CNOT10: variants seen among roughly 807,000 people sequenced by gnomAD.
CNOT10 encodes CCR4-NOT transcription complex, subunit 10.
A neutral mutation model predicts 94.6 loss-of-function variants in CNOT10; 30 were observed. That is an observed-to-expected ratio of 0.32 (90% confidence interval 0.24 to 0.43). The LOEUF (loss-of-function observed/expected upper bound fraction) is 0.43. Among genes scored for constraint, CNOT10 ranks in the 20% least tolerant of loss-of-function variants. The probability of loss-of-function intolerance (pLI) is 1.00; values close to 1 mark genes in which losing one functional copy is unlikely to be tolerated. For missense variants in CNOT10, 759 were observed against 877.2 expected, an observed-to-expected ratio of 0.87 and a Z score of 1.70; for synonymous variants, 289 against 301.6, an observed-to-expected ratio of 0.96 and a Z score of 0.43.
At chr3:32,743,141 A>G (rs1699547711) in intron 13 of CNOT10, among the ~76,000 whole-genome samples, 1 of 151,780 alleles carries the variant, frequency 6.6e-6, no homozygotes, top group Non-Finnish European at 1.5e-5. Flanking sequence ...ATACGCCACC[A>G]TGCCCAGCTA....
intron 1 of CNOT10, among the ~76,000 whole-genome samples, chr3:32,699,717 A>G (rs1697245101): frequency 6.6e-6 from 1 of 152,140 alleles, no homozygotes; most frequent in Admixed American, 6.6e-5. Flanking sequence ...CTGGGGGAGC[A>G]TTCCACTAGC....
intron 1 of CNOT10, among the ~76,000 whole-genome samples, chr3:32,692,607 A>C (rs1311877111): frequency 6.6e-6 from 1 of 152,190 alleles, no homozygotes; most frequent in Non-Finnish European, 1.5e-5. Context: ...AGTTAGAGGT[A>C]ATTTATGGAG....
rs752008339 is a variant in CNOT10, at chr3:32,704,947, A to G, written c.254A>G (p.Gln85Arg). ...SNQTTTDNLR[Q>R]TLNQLKNQVH... ...CAAACAACAACAGATAATTTGAGAC[A>G]AACACTTAACCAGCTGAAGAATCAG... Residue 85 changes from glutamine to arginine, a missense_variant, in exon 3 of 19, where the codon CAA becomes CGA. Physicochemically the swap from Gln to Arg is conservative, Grantham distance 43. Transcript: ENST00000328834. The G allele has an allele frequency of 6.5e-7, 1 of 1,546,568 alleles. No individual in the cohort carries two copies. The highest frequency in any genetic ancestry group is 2.5e-5 in the Admixed American group (1 of 40,530).
At chr3:32,708,960 T>C in intron 4 of CNOT10, 140 bp downstream of exon 4, 2 of 607,862 alleles carry the variant, frequency 3.3e-6, no homozygotes, top group Non-Finnish European at 5.3e-6. Flanking sequence ...GCTTAATGGT[T>C]AGAAAAGATA....
At chr3:32,757,030 G>A (rs548484099) in intron 13 of CNOT10, among the ~76,000 whole-genome samples, 4 of 149,366 alleles carry the variant, frequency 2.7e-5, no homozygotes, top group African/African-American at 4.9e-5. Flanking sequence ...AGCTTGAACC[G>A]AGGAGGCAGA....
At chr3:32,702,166 G>A (rs1162997258) in intron 1 of CNOT10, among the ~76,000 whole-genome samples, 2 of 149,370 alleles carry the variant, frequency 1.3e-5, no homozygotes, top group East Asian at 2.0e-4. Context: ...CGTGATCTCA[G>A]CTCACTGCAA....
At chr3:32,726,089 C>T (rs956889818) in intron 9 of CNOT10, among the ~76,000 whole-genome samples, 2 of 152,130 alleles carry the variant, frequency 1.3e-5, no homozygotes, top group East Asian at 1.9e-4. Flanking sequence ...GAACTACAGA[C>T]ACATGCCACT....
intron 17 of CNOT10, chr3:32,765,087 G>A (rs191449217): frequency 9.9e-6 from 9 of 910,656 alleles, no homozygotes; most frequent in South Asian, 2.9e-5. Context: ...TTGGGAGGCC[G>A]AGGCAGGCGG....
intron 17 of CNOT10, 45 bp downstream of exon 17, chr3:32,764,854 A>G (rs745558457): frequency 1.9e-6 from 3 of 1,602,164 alleles, no homozygotes; most frequent in Admixed American, 1.7e-5. Flanking sequence ...AGCAGCCAAC[A>G]CAAGTTTGAG....
At chr3:32,735,568 G>A (rs1211606123) in intron 12 of CNOT10, among the ~76,000 whole-genome samples, 4 of 151,884 alleles carry the variant, frequency 2.6e-5, no homozygotes, top group Non-Finnish European at 2.9e-5. Flanking sequence ...TTAGCTGGGC[G>A]TGGTGGTGGG....
intron 1 of CNOT10, among the ~76,000 whole-genome samples, chr3:32,691,696 G>T (rs1026791229): frequency 6.6e-6 from 1 of 152,156 alleles, no homozygotes; most frequent in Non-Finnish European, 1.5e-5. Flanking sequence ...TAAAAATAGG[G>T]ACATTCACCT....
chr3:32,745,825 C>T (rs1490364196), intron 13 of CNOT10, among the ~76,000 whole-genome samples: 4 of 151,508 alleles, frequency 2.6e-5, no homozygotes, highest in Admixed American at 6.6e-5. Flanking sequence ...ATGGTGAAAC[C>T]CTGTCTGTAC....
At chr3:32,707,748 A>G (rs943504534) in intron 3 of CNOT10, among the ~76,000 whole-genome samples, 2 of 152,064 alleles carry the variant, frequency 1.3e-5, no homozygotes, top group African/African-American at 2.4e-5. Context: ...GGTTACACTG[A>G]GCTGAGTTCG....
intron 1 of CNOT10, among the ~76,000 whole-genome samples, chr3:32,697,416 T>A (rs965605426): frequency 2.0e-5 from 3 of 152,188 alleles, no homozygotes; most frequent in Non-Finnish European, 4.4e-5. Flanking sequence ...AAAGTCCCAT[T>A]AAAGAATGTC....
chr3:32,710,771 A>T (rs1697848532), intron 4 of CNOT10, among the ~76,000 whole-genome samples: 1 of 151,840 alleles, frequency 6.6e-6, no homozygotes, highest in Non-Finnish European at 1.5e-5. Context: ...CCCAGGCTGG[A>T]GTGCAGTGGC....
At chr3:32,732,434 G>T (rs902197131) in intron 10 of CNOT10, among the ~76,000 whole-genome samples, 4 of 151,610 alleles carry the variant, frequency 2.6e-5, no homozygotes. Flanking sequence ...AGAAAAATTA[G>T]CCAGTCATGG....
chr3:32,725,140 G>A (rs80156357), intron 8 of CNOT10, among the ~76,000 whole-genome samples: 3,351 of 151,772 alleles, frequency 0.022, 50 homozygotes, highest in East Asian at 0.048. Flanking sequence ...TCGAAACCAG[G>A]GTAGGCAATA....
At chr3:32,755,198 A>T (rs373251632) in intron 13 of CNOT10, among the ~76,000 whole-genome samples, 13 of 151,420 alleles carry the variant, frequency 8.6e-5, no homozygotes, top group African/African-American at 3.1e-4. Context: ...GTGAGCAGAG[A>T]TCATGCCATT....
At chr3:32,740,393 A>C (rs979604083) in intron 13 of CNOT10, among the ~76,000 whole-genome samples, 5 of 152,090 alleles carry the variant, frequency 3.3e-5, no homozygotes, top group Non-Finnish European at 7.4e-5. Context: ...GGGGAGGCGG[A>C]GGGAGGTTGC....
Sources: gnomAD v4.1 joint callset for allele counts (sites outside exome capture counted in the v4.1 genomes callset) on GRCh38, gnomAD v4.1.1 for gene constraint, MANE v1.5 for transcripts, NCBI Gene and HGNC (gene_info 2026-07-23, HGNC 2026-07-21) for gene names.